Variants in JAKMIP1 observed in about 807,000 individuals in gnomAD.
JAKMIP1 encodes janus kinase and microtubule-interacting protein 1.
JAKMIP1 carries 33 observed loss-of-function variants against 113.0 expected under a neutral mutation model. The observed-to-expected ratio is 0.29, with a 90% CI of 0.22 to 0.39. The LOEUF (loss-of-function observed/expected upper bound fraction) is 0.39. JAKMIP1 is among the 10% of genes least tolerant of loss of function. The pLI, the probability that JAKMIP1 is intolerant of heterozygous loss-of-function variation, is 1.00. For synonymous variants in JAKMIP1, 480 were observed against 459.9 expected, an observed-to-expected ratio of 1.04 and a Z score of -0.56; for missense variants, 813 against 1,080.5, an observed-to-expected ratio of 0.75 and a Z score of 3.47.
intron 13 of JAKMIP1, 200 bp downstream of exon 13, chr4:6,053,850 C>T: frequency 7.1e-7 from 1 of 1,408,486 alleles, no homozygotes; most frequent in South Asian, 1.9e-5. Context: ...GGTGAGCACG[C>T]TCTCCAGAAC....
chr4:6,053,668 G>T (rs906436345), intron 13 of JAKMIP1: 3 of 499,178 alleles, frequency 6.0e-6, no homozygotes, highest in Non-Finnish European at 8.1e-6. Context: ...CAGTGCTTCC[G>T]TCTGGGTGTG....
Position 6,135,085 on chromosome 4 carries a change from A to G in JAKMIP1, c.-147-22088T>C, listed in dbSNP as rs11943240. Among the ~76,000 whole-genome samples, 3,923 of 152,154 alleles carry G rather than the reference A, an allele frequency of 0.026. 182 individuals carry two copies. Among genetic ancestry groups the G allele is most frequent in the African/African-American group, 0.086 (3,590 of 41,512 alleles). On this transcript the variant is annotated intron_variant, in intron 1 of 20. Transcript: ENST00000409021. The surrounding 1 kb of genome is among the most constrained non-coding windows in gnomAD (Gnocchi z 4.9). ...GTTGGGGCAGAGCTGCTCAGTCTCCATGGGGGCCACTCCTCCCCATCCTCT... is the reference window on the plus strand; with the variant it reads ...GTTGGGGCAGAGCTGCTCAGTCTCCGTGGGGGCCACTCCTCCCCATCCTCT...
intron 1 of JAKMIP1, among the ~76,000 whole-genome samples, chr4:6,170,011 C>CCACATTCCCA (rs758718517): frequency 1.0e-5 from 1 of 100,162 alleles, no homozygotes; most frequent in Non-Finnish European, 2.1e-5. Flanking sequence ...CACCACCACC[C>CCACATTCCCA]TCACCACCAC....
chr4:6,123,894 A>G (rs957073861), intron 1 of JAKMIP1, among the ~76,000 whole-genome samples: 1 of 152,236 alleles, frequency 6.6e-6, no homozygotes, highest in African/African-American at 2.4e-5. Context: ...TCATTTTCCA[A>G]TTATAGGAAA....
At position 6,184,243 on chromosome 4, in the gene JAKMIP1, T is replaced by C. The variant is rs557940610; in HGVS notation, c.-148+16010A>G. ...TCCTGTGAGTATCATCCCTTCTCAATAGGCAGAAACCAGGTGCCCAGCACA... is the reference window on the plus strand; with the variant it reads ...TCCTGTGAGTATCATCCCTTCTCAACAGGCAGAAACCAGGTGCCCAGCACA... On this transcript the variant is annotated intron_variant, in intron 1 of 20. Coordinates refer to ENST00000409021, the MANE Select transcript of JAKMIP1 (RefSeq NM_001099433.2). This position sits in a 1 kb window ranked among gnomAD's most constrained non-coding sequence, Gnocchi z 4.5. Among the ~76,000 whole-genome samples the C allele has an allele frequency of 1.6e-4, 24 of 152,252 alleles. No homozygotes were observed. The highest frequency in any genetic ancestry group is 1.0e-3 in the South Asian group (5 of 4,826).
chr4:6,098,554 GAAAGAAAGAAAGAA>G (rs146964755), intron 3 of JAKMIP1, among the ~76,000 whole-genome samples: 85,216 of 120,928 alleles, frequency 0.7, 26,875 homozygotes, highest in East Asian at 0.97. Context: ...GAAAAAGAAA[GAAAGAAAGAAAGAA>G]AGAAAGAAAG....
At position 6,178,636 on chromosome 4, in the gene JAKMIP1, T is replaced by C. The variant is rs1369066896; in HGVS notation, c.-148+21617A>G. Among the ~76,000 whole-genome samples, 1 of 152,198 alleles carries C rather than the reference T, an allele frequency of 6.6e-6. No homozygotes were observed. The highest frequency in any genetic ancestry group is 1.5e-5 in the Non-Finnish European group (1 of 68,040). The stretch of plus-strand genomic sequence containing the variant: ...GACGTGTTTGCTTCCCCTAATGCCA[T>C]GATTGTAAGTTTTTTAAGGCTTCCC... On this transcript the variant is annotated intron_variant, in intron 1 of 20. Coordinates refer to ENST00000409021, the MANE Select transcript of JAKMIP1 (RefSeq NM_001099433.2). The surrounding 1 kb of genome is among the most constrained non-coding windows in gnomAD (Gnocchi z 5.5).
rs572576509 is a variant in JAKMIP1, at chr4:6,157,674, C to T, written c.-148+42579G>A. On this transcript the variant is annotated intron_variant, in intron 1 of 20. Coordinates refer to ENST00000409021, the MANE Select transcript of JAKMIP1 (RefSeq NM_001099433.2). This position sits in a 1 kb window ranked among gnomAD's most constrained non-coding sequence, Gnocchi z 4.7. ...CGTAGCCCTGGACATGCTACCTAAC[C>T]CCTGCTTTCTCCTGTTTAAACTGGT... Among the ~76,000 whole-genome samples, 3 of 152,264 alleles carry T rather than the reference C, an allele frequency of 2.0e-5. No homozygotes were observed. The East Asian group carries it at 5.8e-4, about 29-fold the overall frequency.
intron 1 of JAKMIP1, among the ~76,000 whole-genome samples, chr4:6,117,699 T>A (rs1716029310): frequency 6.6e-6 from 1 of 151,750 alleles, no homozygotes; most frequent in African/African-American, 2.4e-5. Context: ...ACCTCTGCAA[T>A]CTTGACCATA....
intron 11 of JAKMIP1, among the ~76,000 whole-genome samples, 170 bp from the exon 12 acceptor site, chr4:6,056,929 G>T (rs1211847560): frequency 3.9e-5 from 6 of 152,132 alleles, no homozygotes; most frequent in Non-Finnish European, 8.8e-5. Flanking sequence ...ACCCCAAAAA[G>T]AGAAACGGCT....
chr4:6,112,621 C>T, intron 2 of JAKMIP1, 101 bp downstream of exon 2: 1 of 1,422,654 alleles, frequency 7.0e-7, no homozygotes, highest in Non-Finnish European at 9.6e-7. Context: ...CCCCCTCGGC[C>T]CCCCTCCTGG....
At chr4:6,134,560 A>C (rs1355578366) in intron 1 of JAKMIP1, among the ~76,000 whole-genome samples, 1 of 152,154 alleles carries the variant, frequency 6.6e-6, no homozygotes, top group Non-Finnish European at 1.5e-5. Flanking sequence ...CTTCCTCTGC[A>C]TACCAATAGT....
Position 6,105,464 on chromosome 4 carries a change from G to T in JAKMIP1, c.624+9C>A, listed in dbSNP as rs1261877835. The stretch of plus-strand genomic sequence containing the variant: ...CGTGCCCGCGGGCGGGGGAGGGGGC[G>T]GCACGTACCAGCCTGCGGATGTCGC... On this transcript the variant is annotated intron_variant, in intron 3 of 20. Coordinates refer to ENST00000409021, the MANE Select transcript of JAKMIP1 (RefSeq NM_001099433.2). 3 of 1,582,932 alleles carry T rather than the reference G, an allele frequency of 1.9e-6. No individual in the cohort carries two copies. The highest frequency in any genetic ancestry group is 1.7e-6 in the Non-Finnish European group (2 of 1,166,138).
chr4:6,144,618 G>C (rs1648936936), intron 1 of JAKMIP1, among the ~76,000 whole-genome samples: 1 of 152,164 alleles, frequency 6.6e-6, no homozygotes, highest in South Asian at 2.1e-4. Context: ...ATGGAATAAA[G>C]GATAAAAACC....
intron 20 of JAKMIP1, among the ~76,000 whole-genome samples, chr4:6,026,673 G>A (rs534530181): frequency 1.9e-4 from 29 of 151,922 alleles, no homozygotes; most frequent in Non-Finnish European, 2.6e-4. Flanking sequence ...AGACGGGGGC[G>A]TGATGTGTGC....
chr4:6,038,443 G>A (rs1051503757), intron 18 of JAKMIP1, among the ~76,000 whole-genome samples: 3 of 143,104 alleles, frequency 2.1e-5, no homozygotes, highest in African/African-American at 8.5e-5. Flanking sequence ...CATCACCGAG[G>A]CAGAGGCTAA....
At chr4:6,090,365 A>G (rs1721876092) in intron 3 of JAKMIP1, among the ~76,000 whole-genome samples, 2 of 152,220 alleles carry the variant, frequency 1.3e-5, no homozygotes, top group African/African-American at 4.8e-5. Flanking sequence ...AAGAGGCCAG[A>G]AAACACTTTC....
rs375436651 is a variant in JAKMIP1 at position 6,098,430 on chromosome 4, T to C, written c.624+7043A>G. On this transcript the variant is annotated intron_variant, in intron 3 of 20. Transcript: ENST00000409021. ...CCTGAGCAACAAGAGTGAAACTTCA[T>C]CTGAAGGAACAAGGAAGGGAGGGAG... Among the ~76,000 whole-genome samples the C allele has an allele frequency of 2.7e-4, 39 of 142,004 alleles. No homozygotes were observed. In the South Asian group the frequency reaches 7.4e-3, roughly 27 times the overall value. 93.2% of individuals were successfully genotyped at this position (142,004 alleles called of 152,430 possible). A position where few individuals can be genotyped will look rare whatever the true frequency, so the allele number is the denominator to read the frequency against.
intron 10 of JAKMIP1, among the ~76,000 whole-genome samples, chr4:6,060,829 G>A (rs1011509087): frequency 6.6e-6 from 1 of 152,244 alleles, no homozygotes; most frequent in African/African-American, 2.4e-5. Flanking sequence ...AGCCACACTG[G>A]GGGCCCAGGC....
Sources: gnomAD v4.1 joint callset for allele counts (sites outside exome capture counted in the v4.1 genomes callset) on GRCh38, gnomAD v4.1.1 for gene constraint, Gnocchi (gnomAD v3.1) non-coding constraint, MANE v1.5 for transcripts, NCBI Gene and HGNC (gene_info 2026-07-23, HGNC 2026-07-21) for gene names.